The following COMMD7 variants were observed in gnomAD, a reference collection of about 807,000 sequenced individuals.
COMMD7 encodes the protein COMM domain-containing protein 7.
A neutral mutation model predicts 34.8 loss-of-function variants in COMMD7; 28 were observed. The observed-to-expected ratio is 0.80, with a 90% confidence interval of 0.60 to 1.10. The LOEUF is 1.10. COMMD7 is among the 50% of genes least tolerant of loss of function. The probability of loss-of-function intolerance (pLI) is 0.00; values close to 1 mark genes in which losing one functional copy is unlikely to be tolerated. For synonymous variants in COMMD7, 80 were observed against 86.4 expected, an observed-to-expected ratio of 0.93 and a Z score of 0.41; for missense variants, 211 against 241.6, an observed-to-expected ratio of 0.87 and a Z score of 0.84.
At chr20:32,733,881 CAA>C (rs1019919449) in intron 1 of COMMD7, among the ~76,000 whole-genome samples, 1 of 125,432 alleles carries the variant, frequency 8.0e-6, no homozygotes, top group African/African-American at 3.0e-5. Context: ...AACTCCTTCT[CAA>C]AAAAAAAAAA....
chr20:32,709,002 T>G (rs2145716337), intron 3 of COMMD7, among the ~76,000 whole-genome samples: 1 of 152,168 alleles, frequency 6.6e-6, no homozygotes, highest in African/African-American at 2.4e-5. Context: ...CAGGAAACAT[T>G]AAGCATTTTT....
intron 3 of COMMD7, among the ~76,000 whole-genome samples, chr20:32,717,637 T>C (rs991239672): frequency 6.6e-6 from 1 of 151,986 alleles, no homozygotes; most frequent in Non-Finnish European, 1.5e-5. Context: ...ATTTTTTTTA[T>C]TTTTTGTAGA....
intron 3 of COMMD7, among the ~76,000 whole-genome samples, chr20:32,727,534 CAAA>C (rs11480967): frequency 7.1e-5 from 6 of 83,956 alleles, no homozygotes; most frequent in African/African-American, 7.9e-5. Flanking sequence ...GATTCTGTCT[CAAA>C]AAAAAAAAAA....
intron 3 of COMMD7, among the ~76,000 whole-genome samples, chr20:32,711,271 C>G (rs1984426345): frequency 6.6e-6 from 1 of 151,840 alleles, no homozygotes; most frequent in Non-Finnish European, 1.5e-5. Flanking sequence ...GTGGCACACG[C>G]CTGTAGTCCC....
At chr20:32,717,236 G>C (rs1984848792) in intron 3 of COMMD7, among the ~76,000 whole-genome samples, 1 of 151,990 alleles carries the variant, frequency 6.6e-6, no homozygotes, top group Non-Finnish European at 1.5e-5. Flanking sequence ...GCTCACTGCA[G>C]CCTGGACTCC....
In COMMD7 at chr20:32,714,417, G is replaced by A. The variant is rs181643564; in HGVS notation, c.242-7657C>T. The stretch of plus-strand genomic sequence containing the variant: ...TAAGTATTAAAATAAAAATAGGGCC[G>A]GGCACGGTGGTTGTAATCCCAGCAC... On this transcript the variant is annotated intron_variant, in intron 3 of 8. Transcript: ENST00000278980. Among the ~76,000 whole-genome samples, 3 of 152,152 alleles carry A rather than the reference G, an allele frequency of 2.0e-5. No homozygotes were observed. The East Asian group carries it at 5.8e-4, about 29-fold the overall frequency.
chr20:32,703,255 G>A lies in COMMD7; in HGVS notation c.*127C>T, dbSNP rs1013872053. 6.6e-6 allele frequency: 5 copies of A among 762,584 alleles called. No homozygotes were observed. In the East Asian group the frequency reaches 1.3e-4, roughly 20 times the overall value. The allele number at this position is 762,584 out of a possible 1,614,324, so 47.2% of individuals were successfully genotyped here. A position where few individuals can be genotyped will look rare whatever the true frequency, so the allele number is the denominator to read the frequency against. ...TTTTTCAGAAACCCTTTGCACCTGG[G>A]CCCCATGGAGCCAGCAGGGCCCCAT... is the stretch of plus-strand genomic sequence containing the variant. On this transcript the variant is annotated 3_prime_UTR_variant, in exon 9 of 9. Coordinates refer to ENST00000278980, the MANE Select transcript of COMMD7 (RefSeq NM_053041.3).
chr20:32,714,150 GA>G (rs1984633677), intron 3 of COMMD7, among the ~76,000 whole-genome samples: 1 of 152,028 alleles, frequency 6.6e-6, no homozygotes, highest in African/African-American at 2.4e-5. Context: ...AAAGAAGGGG[GA>G]AAGTGCCATG....
chr20:32,708,903 C>T (rs946769716), intron 3 of COMMD7, among the ~76,000 whole-genome samples: 1 of 152,016 alleles, frequency 6.6e-6, no homozygotes, highest in Non-Finnish European at 1.5e-5. Context: ...AACTCCTGAC[C>T]TCAAGCAATC....
chr20:32,707,955 G>T (rs898786624), intron 3 of COMMD7, among the ~76,000 whole-genome samples: 2 of 152,122 alleles, frequency 1.3e-5, no homozygotes, highest in African/African-American at 4.8e-5. Context: ...CCATTATACT[G>T]AACACTGAAG....
At chr20:32,715,573 G>A (rs1156631733) in intron 3 of COMMD7, among the ~76,000 whole-genome samples, 2 of 151,382 alleles carry the variant, frequency 1.3e-5, no homozygotes, top group Non-Finnish European at 2.9e-5. Flanking sequence ...TTGGGAGGCT[G>A]AGGCAGGTGG....
At chr20:32,712,997 G>T (rs1198287912) in intron 3 of COMMD7, among the ~76,000 whole-genome samples, 1 of 151,442 alleles carries the variant, frequency 6.6e-6, no homozygotes, top group Non-Finnish European at 1.5e-5. Context: ...TTCCCAAAGT[G>T]CTGGGATTAC....
Position 32,743,384 on chromosome 20 carries a change from C to A in COMMD7, c.8G>T (p.Arg3Leu). The change falls in exon 1 of 9, where the codon CGC becomes CTC. Residue 3 changes from arginine (R) to leucine (L), a missense_variant. Transcript: ENST00000278980. ...CACCGGGTCCTCAGTGCAGTGCAGG[C>A]GGCCCATGGCGCGCGCCCCAGCCCC... Reference protein sequence around the residue: MGRLHCTEDPVPE... With the variant: MGLLHCTEDPVPE... The A allele has an allele frequency of 2.9e-6, 4 of 1,401,048 alleles. No individual in the cohort carries two copies. The highest frequency in any genetic ancestry group is 1.5e-5 in the South Asian group (1 of 65,150). 86.8% of individuals were successfully genotyped at this position (1,401,048 alleles called of 1,614,324 possible).
intron 3 of COMMD7, among the ~76,000 whole-genome samples, chr20:32,712,328 G>C (rs571607068): frequency 7.0e-6 from 1 of 141,912 alleles, no homozygotes; most frequent in South Asian, 2.3e-4. Flanking sequence ...ACAATGTAGT[G>C]AAACTCCGTA....
rs148467396 is a variant in COMMD7, at chr20:32,741,308, C to A, written c.84+2000G>T. 2.0e-3 allele frequency among the ~76,000 whole-genome samples: 308 copies of A among 151,986 alleles called. 2 individuals carry two copies. The highest frequency in any genetic ancestry group is 7.2e-3 in the African/African-American group (299 of 41,460). ...TCACCATGCACTACAGCCTTGAAAT[C>A]CTGGGCTCAAGTGATCCTCCTGTCT... On this transcript the variant is annotated intron_variant, in intron 1 of 8. Transcript: ENST00000278980.
chr20:32,704,762 C>T, intron 6 of COMMD7, 52 bp downstream of exon 6: 2 of 1,358,302 alleles, frequency 1.5e-6, no homozygotes, highest in Non-Finnish European at 1.1e-6. Flanking sequence ...ACAGCCTCTG[C>T]ACCCCAACCC....
intron 7 of COMMD7, 39 bp from the exon 8 acceptor site, chr20:32,704,110 G>A (rs1983914343): frequency 2.0e-6 from 3 of 1,475,740 alleles, no homozygotes; most frequent in Non-Finnish European, 2.8e-6. Context: ...TTAAAATGAT[G>A]ACAACTGGGC....
chr20:32,725,853 C>T (rs1201281111), intron 3 of COMMD7, among the ~76,000 whole-genome samples: 1 of 151,604 alleles, frequency 6.6e-6, no homozygotes, highest in Admixed American at 6.6e-5. Flanking sequence ...GAATTTGAAA[C>T]CAGCCTGGCC....
At chr20:32,712,209 G>A (rs566134927) in intron 3 of COMMD7, among the ~76,000 whole-genome samples, 2 of 140,862 alleles carry the variant, frequency 1.4e-5, no homozygotes, top group African/African-American at 5.3e-5. Flanking sequence ...GGCAGAGGTT[G>A]CAGTGAGCCG....
Sources: gnomAD v4.1 joint callset for allele counts (sites outside exome capture counted in the v4.1 genomes callset) on GRCh38, gnomAD v4.1.1 for gene constraint, MANE v1.5 for transcripts, NCBI Gene and HGNC (gene_info 2026-07-23, HGNC 2026-07-21) for gene names.